The following RASGRF2 variants were observed in gnomAD, a reference collection of about 807,000 sequenced individuals.
RASGRF2 encodes the protein Ras protein specific guanine nucleotide releasing factor 2.
In RASGRF2, 76 loss-of-function variants were observed where a neutral mutation model predicts 151.0. The ratio of observed to expected loss-of-function variants is 0.50; its 90% CI spans 0.42 to 0.61. The LOEUF is 0.61. Among genes scored for constraint, RASGRF2 ranks in the 20% least tolerant of loss-of-function variants. The pLI, the probability that RASGRF2 is intolerant of heterozygous loss-of-function variation, is 0.00. For synonymous variants in RASGRF2, 504 were observed against 566.5 expected, an observed-to-expected ratio of 0.89 and a Z score of 1.57; for missense variants, 1,148 against 1,564.6, an observed-to-expected ratio of 0.73 and a Z score of 4.49.
chr5:81,118,197 GT>G (rs1396254065), intron 15 of RASGRF2, among the ~76,000 whole-genome samples: 12 of 152,220 alleles, frequency 7.9e-5, no homozygotes, highest in African/African-American at 2.7e-4. Flanking sequence ...CCTGCAATAG[GT>G]CTCTGCCTGG....
chr5:81,025,181 C>T (rs1443690489), intron 1 of RASGRF2, among the ~76,000 whole-genome samples: 5 of 152,228 alleles, frequency 3.3e-5, no homozygotes, highest in African/African-American at 9.6e-5. Context: ...CTGCCCTTTT[C>T]GCTGTCCTTG....
In RASGRF2 at chr5:80,993,220, A is replaced by G. The variant is rs149588370; in HGVS notation, c.288+32194A>G. ...TGGCTGCCTCCAGGGATGAAATGAC[A>G]GTGTCTGGAAATGGATGGACACCAT... On this transcript the variant is annotated intron_variant, in intron 1 of 26. Transcript: ENST00000265080. 9.0e-3 allele frequency among the ~76,000 whole-genome samples: 1,365 copies of G among 152,334 alleles called. 12 individuals are homozygous for G. Among genetic ancestry groups the G allele is most frequent in the African/African-American group, 0.022 (896 of 41,572 alleles).
chr5:81,017,351 A>C (rs1749671381), intron 1 of RASGRF2, among the ~76,000 whole-genome samples: 1 of 152,204 alleles, frequency 6.6e-6, no homozygotes, highest in African/African-American at 2.4e-5. Flanking sequence ...CAGAGTTCAC[A>C]CTGTTTCCCT....
At chr5:81,186,240 G>A (rs1275339808) in intron 18 of RASGRF2, among the ~76,000 whole-genome samples, 1 of 152,180 alleles carries the variant, frequency 6.6e-6, no homozygotes, top group Admixed American at 6.5e-5. Context: ...ACTTCAGTGT[G>A]TAGGTCAGTG....
chr5:80,987,476 T>C (rs1396338028), intron 1 of RASGRF2, among the ~76,000 whole-genome samples: 5 of 152,232 alleles, frequency 3.3e-5, no homozygotes, highest in African/African-American at 1.2e-4. Flanking sequence ...ACTAATTTTA[T>C]TTCAGCTTCA....
At chr5:81,074,777 A>G (rs1404254669) in intron 5 of RASGRF2, among the ~76,000 whole-genome samples, 1 of 152,182 alleles carries the variant, frequency 6.6e-6, no homozygotes, top group East Asian at 1.9e-4. Context: ...ATACGGTGAC[A>G]TTCGAGCAAA....
chr5:81,094,278 A>T lies in RASGRF2; in HGVS notation c.1552-18A>T. The T allele has an allele frequency of 1.2e-6, 2 of 1,609,642 alleles. No individual in the cohort carries two copies. Among genetic ancestry groups the T allele is most frequent in the Non-Finnish European group, 8.5e-7 (1 of 1,176,874 alleles). On this transcript the variant is annotated intron_variant, in intron 10 of 26. Coordinates refer to ENST00000265080, the MANE Select transcript of RASGRF2 (RefSeq NM_006909.3). ...ACAAGACCTTCAGCGTCTTAGTGAA[A>T]AATTGGTTTGTTTCCAGACAGGTGG...
At chr5:81,054,010 A>G (rs190068046) in intron 2 of RASGRF2, among the ~76,000 whole-genome samples, 1,816 of 152,296 alleles carry the variant, frequency 0.012, 19 homozygotes, top group Non-Finnish European at 0.02. Context: ...AGTTCTTTGT[A>G]GATTCTGGAT....
chr5:81,102,297 C>T (rs1752717936), intron 12 of RASGRF2, among the ~76,000 whole-genome samples: 1 of 152,124 alleles, frequency 6.6e-6, no homozygotes, highest in Non-Finnish European at 1.5e-5. Context: ...AGGGTGTTCT[C>T]TTTGTGAAAA....
intron 17 of RASGRF2, among the ~76,000 whole-genome samples, chr5:81,151,076 A>G (rs746069685): frequency 3.9e-5 from 6 of 152,218 alleles, no homozygotes; most frequent in Non-Finnish European, 8.8e-5. Flanking sequence ...TATCACAGCT[A>G]TATGTGAAAG....
intron 1 of RASGRF2, among the ~76,000 whole-genome samples, chr5:81,033,283 A>C (rs1315358399): frequency 2.7e-5 from 4 of 146,422 alleles, no homozygotes; most frequent in African/African-American, 1.0e-4. Context: ...TCTTCACAGA[A>C]TTGGAAAAAA....
intron 9 of RASGRF2, among the ~76,000 whole-genome samples, chr5:81,089,199 C>T (rs465909): frequency 0.72 from 109,293 of 151,976 alleles, 40,238 homozygotes; most frequent in Middle Eastern, 0.89. Flanking sequence ...CCCATTGAGG[C>T]GTTTTCAAAA....
intron 3 of RASGRF2, 199 bp from the exon 4 acceptor site, chr5:81,070,292 TA>T: frequency 2.0e-6 from 1 of 510,210 alleles, no homozygotes; most frequent in Non-Finnish European, 3.6e-6. Flanking sequence ...TCACTTCTTA[TA>T]AACACTTTCA....
intron 17 of RASGRF2, 27 bp downstream of exon 17, chr5:81,127,190 A>G: frequency 2.5e-6 from 4 of 1,586,846 alleles, no homozygotes; most frequent in Non-Finnish European, 3.5e-6. Context: ...CTATGTACAG[A>G]TATGTGACCA....
intron 1 of RASGRF2, among the ~76,000 whole-genome samples, chr5:81,031,956 G>T (rs866539271): frequency 5.3e-5 from 8 of 152,180 alleles, no homozygotes; most frequent in Non-Finnish European, 1.0e-4. Context: ...AATAAAAAAT[G>T]ATAAAGGGGA....
chr5:81,005,218 A>C (rs1049297420), intron 1 of RASGRF2, among the ~76,000 whole-genome samples: 16 of 152,304 alleles, frequency 1.1e-4, no homozygotes, highest in Non-Finnish European at 2.1e-4. Flanking sequence ...GAAGGGAAAG[A>C]GGTTTAGTTG....
chr5:81,178,826 C>G (rs994913501), intron 17 of RASGRF2, among the ~76,000 whole-genome samples: 2 of 152,098 alleles, frequency 1.3e-5, no homozygotes, highest in African/African-American at 4.8e-5. Context: ...GCAAGCTCCG[C>G]CCCCCGGGTT....
chr5:81,005,574 C>T (rs1477848458), intron 1 of RASGRF2, among the ~76,000 whole-genome samples: 1 of 152,128 alleles, frequency 6.6e-6, no homozygotes, highest in East Asian at 1.9e-4. Flanking sequence ...TTGTATTTCA[C>T]TCCTTTTCAT....
At chr5:80,974,822 G>A (rs1183228517) in intron 1 of RASGRF2, among the ~76,000 whole-genome samples, 1 of 152,160 alleles carries the variant, frequency 6.6e-6, no homozygotes, top group African/African-American at 2.4e-5. Flanking sequence ...ATGAATGCTG[G>A]ACATTGGGTG....
Sources: allele counts gnomAD v4.1 joint callset (sites outside exome capture counted in the v4.1 genomes callset), GRCh38; gene constraint gnomAD v4.1.1; transcripts MANE v1.5; gene names NCBI Gene and HGNC (gene_info 2026-07-23, HGNC 2026-07-21).